The following PRH1 variants were observed in gnomAD, a reference collection of about 807,000 sequenced individuals.
PRH1 encodes the protein salivary acidic proline-rich phosphoprotein 1/2.
In PRH1, 7 loss-of-function variants were observed where a neutral mutation model predicts 7.9. The ratio of observed to expected loss-of-function variants is 0.89; its 90% CI spans 0.50 to 1.67. PRH1 has a LOEUF of 1.67. Ranked by LOEUF, PRH1 falls within the 40% of genes most tolerant of loss-of-function variation. The probability of loss-of-function intolerance (pLI) is 0.00; values close to 1 mark genes in which losing one functional copy is unlikely to be tolerated. For missense variants in PRH1, 109 were observed against 223.6 expected (o/e 0.49, Z 3.27); for synonymous variants, 45 against 80.8 (o/e 0.56, Z 2.38).
At chr12:10,989,024 T>A (rs1050520887) in intron 1 of PRH1, among the ~76,000 whole-genome samples, 1 of 152,172 alleles carries the variant, frequency 6.6e-6, no homozygotes, top group African/African-American at 2.4e-5. Flanking sequence ...GCCAGGTTGG[T>A]CTTGAACTCC....
chr12:10,998,005 A>G (rs1419302725), intron 1 of PRH1: 1 of 620,980 alleles, frequency 1.6e-6, no homozygotes, highest in Middle Eastern at 3.9e-4. Context: ...ATACTTTTAA[A>G]TTCTGTGAAC....
chr12:11,137,632 C>T (rs1346356324), intron 1 of PRH1, among the ~76,000 whole-genome samples: 1 of 152,140 alleles, frequency 6.6e-6, no homozygotes, highest in Non-Finnish European at 1.5e-5. Context: ...TTAGTTTAAG[C>T]TCATCCATAA....
chr12:10,938,907 T>C (rs1481257497), intron 2 of PRH1: 2 of 1,613,882 alleles, frequency 1.2e-6, no homozygotes, highest in Non-Finnish European at 1.7e-6. Flanking sequence ...CCGAGGCCTG[T>C]AGCTAACCAG....
chr12:10,972,933 C>CCCG (rs948766984), intron 2 of PRH1, among the ~76,000 whole-genome samples: 3 of 105,790 alleles, frequency 2.8e-5, no homozygotes, highest in Non-Finnish European at 6.0e-5. Flanking sequence ...CCACAACCCA[C>CCCG]CCCCCCCGCC....
chr12:10,883,136 T>C (rs1395382502), intron 1 of PRH1, 40 bp from the exon 2 acceptor site: 2 of 1,600,278 alleles, frequency 1.2e-6, no homozygotes, highest in Admixed American at 3.3e-5. Context: ...AGTTACTTCC[T>C]GAATCATTCA....
intron 2 of PRH1, chr12:10,931,249 A>G (rs1252649148): frequency 4.3e-6 from 6 of 1,409,712 alleles, no homozygotes; most frequent in Admixed American, 5.5e-5. Context: ...CTTGTTTTTA[A>G]ACAATCTCTT....
At chr12:11,129,684 G>C (rs1398181660) in intron 1 of PRH1, among the ~76,000 whole-genome samples, 1,287 of 150,376 alleles carry the variant, frequency 8.6e-3, no homozygotes, top group Middle Eastern at 0.021. Flanking sequence ...TACTTTTTGT[G>C]GGGCTAGTGA....
chr12:11,062,702 G>A (rs1315951633), intron 1 of PRH1, among the ~76,000 whole-genome samples: 1 of 152,038 alleles, frequency 6.6e-6, no homozygotes, highest in African/African-American at 2.4e-5. Context: ...GACTTCAGTT[G>A]TTAGGGAAGT....
At position 11,002,332 on chromosome 12, in the gene PRH1, ACT is replaced by A. The variant is rs1257742894; in HGVS notation, c.-125-28613_-125-28612del. Among the ~76,000 whole-genome samples the A allele has an allele frequency of 5.3e-5, 8 of 152,182 alleles. No homozygotes were observed. The East Asian group carries it at 1.5e-3, about 29-fold the overall frequency. ...GCGTTTCAGGGTGATGGGCTCATGA[ACT>A]TGTTTCTTATATTATTCTCAGCATC... On this transcript the variant is annotated intron_variant, in intron 1 of 3. Coordinates refer to the PRH1 transcript ENST00000539853.
Position 10,891,614 on chromosome 12 carries a change from G to A in PRH1, c.-58-7339C>T, listed in dbSNP as rs368160051. The A allele has an allele frequency of 2.6e-5, 4 of 151,966 alleles. No homozygotes were observed. The East Asian group carries it at 5.8e-4, about 22-fold the overall frequency. The allele number at this position is 151,966 out of a possible 1,614,324, so 9.4% of individuals were successfully genotyped here. A position where few individuals can be genotyped will look rare whatever the true frequency, so the allele number is the denominator to read the frequency against. On this transcript the variant is annotated intron_variant, in intron 2 of 3. Coordinates refer to the PRH1 transcript ENST00000539853. ...GGTCTTTGGGCTGTGTTCCATCCTC[G>A]TTGCCAAAATTATTATAAGCTAACA...
chr12:11,136,982 G>C (rs1359762641), intron 1 of PRH1, among the ~76,000 whole-genome samples: 1 of 152,126 alleles, frequency 6.6e-6, no homozygotes, highest in Non-Finnish European at 1.5e-5. Context: ...TAATACAAAG[G>C]TCACAGAAGA....
At chr12:10,994,841 A>G (rs551323002) in intron 1 of PRH1, among the ~76,000 whole-genome samples, 1 of 152,334 alleles carries the variant, frequency 6.6e-6, no homozygotes, top group Admixed American at 6.5e-5. Context: ...ATAACCAGCT[A>G]GAAATACCAC....
chr12:11,097,203 T>C, intron 1 of PRH1: 1 of 242,530 alleles, frequency 4.1e-6, no homozygotes, highest in South Asian at 2.7e-5. Context: ...ATGAAGGACA[T>C]CTGATATAAG....
At chr12:11,171,447 C>T (rs1415900054) in exon 1 of PRH1, 4 of 1,231,910 alleles carry the variant, frequency 3.2e-6, no homozygotes, top group Non-Finnish European at 4.0e-6. Flanking sequence ...CTGCAAGGGG[C>T]TCTCCCGCAC....
chr12:10,975,533 C>G (rs1392529532), intron 1 of PRH1, among the ~76,000 whole-genome samples: 1 of 152,112 alleles, frequency 6.6e-6, no homozygotes, highest in Non-Finnish European at 1.5e-5. Flanking sequence ...TAATAACCAG[C>G]TAACAACATG....
At chr12:11,068,558 T>C (rs1026686248) in intron 1 of PRH1, among the ~76,000 whole-genome samples, 2 of 152,196 alleles carry the variant, frequency 1.3e-5, no homozygotes, top group African/African-American at 4.8e-5. Flanking sequence ...TGCATAAAGA[T>C]AAATTTATAT....
At chr12:10,914,266 T>C (rs1949941852) in intron 2 of PRH1, among the ~76,000 whole-genome samples, 1 of 152,204 alleles carries the variant, frequency 6.6e-6, no homozygotes, top group Non-Finnish European at 1.5e-5. Context: ...TAGAAAATAA[T>C]TGCCTACTGT....
At position 10,911,971 on chromosome 12, in the gene PRH1, A is replaced by G. The variant is rs533181785; in HGVS notation, c.-58-27696T>C. Among the ~76,000 whole-genome samples, 77 of 152,324 alleles carry G rather than the reference A, an allele frequency of 5.1e-4. 1 individual carries two copies. Among genetic ancestry groups the G allele is most frequent in the East Asian group, 1.2e-3 (6 of 5,188 alleles). ...TTTAACTTTGTATATTTTAATTTGA[A>G]TATGTATCCCTAAGCACTAGCTTGG... On this transcript the variant is annotated intron_variant, in intron 2 of 3. Coordinates refer to the PRH1 transcript ENST00000539853.
chr12:11,138,892 T>A (rs1303137320), intron 1 of PRH1, among the ~76,000 whole-genome samples: 2 of 151,954 alleles, frequency 1.3e-5, no homozygotes, highest in Non-Finnish European at 2.9e-5. Context: ...TAGAAAAAAT[T>A]AGCAGGGCGT....
Sources: gnomAD v4.1 joint callset for allele counts (sites outside exome capture counted in the v4.1 genomes callset) on GRCh38, gnomAD v4.1.1 for gene constraint, MANE v1.5 for transcripts, NCBI Gene and HGNC (gene_info 2026-07-23, HGNC 2026-07-21) for gene names.